Variants in CDC5L observed in about 807,000 individuals in gnomAD.
CDC5L encodes cell division cycle 5 like.
In CDC5L, 18 loss-of-function variants were observed where a neutral mutation model predicts 104.1. The observed-to-expected ratio is 0.17, with a 90% confidence interval of 0.12 to 0.26. The LOEUF is 0.26. Among genes scored for constraint, CDC5L ranks in the 10% least tolerant of loss-of-function variants. The pLI, the probability that CDC5L is intolerant of heterozygous loss-of-function variation, is 1.00. For missense variants in CDC5L, 673 were observed against 956.9 expected, an observed-to-expected ratio of 0.70 and a Z score of 3.91; for synonymous variants, 331 against 322.7, an observed-to-expected ratio of 1.03 and a Z score of -0.28.
chr6:44,425,645 A>G (rs1244117759), intron 11 of CDC5L, among the ~76,000 whole-genome samples: 1 of 152,158 alleles, frequency 6.6e-6, no homozygotes, highest in Non-Finnish European at 1.5e-5. Context: ...GTTCTCAGCT[A>G]CTTTGAGTTA....
chr6:44,426,429 A>C, intron 12 of CDC5L, 53 bp from the exon 13 acceptor site: 2 of 1,054,856 alleles, frequency 1.9e-6, no homozygotes, highest in South Asian at 2.9e-5. Flanking sequence ...AGGTAATAAC[A>C]TTAATATATT....
chr6:44,400,268 T>C (rs1791060686), intron 5 of CDC5L, among the ~76,000 whole-genome samples: 1 of 152,234 alleles, frequency 6.6e-6, no homozygotes, highest in Non-Finnish European at 1.5e-5. Flanking sequence ...CCTGTTTCTT[T>C]GCATGTCTTA....
chr6:44,415,380 T>C lies in CDC5L; in HGVS notation c.1093-4069T>C, dbSNP rs78604910. Reference sequence around the variant, plus strand: ...AAAAGATGTGGGGGAAGTTATATATTTGTTGGAATTGGGTTTAGCTGTAAC... The same window carrying C: ...AAAAGATGTGGGGGAAGTTATATATCTGTTGGAATTGGGTTTAGCTGTAAC... On this transcript the variant is annotated intron_variant, in intron 8 of 15. Transcript: ENST00000371477. 7.4e-3 allele frequency among the ~76,000 whole-genome samples: 1,130 copies of C among 152,278 alleles called. 8 individuals are homozygous for C. Among genetic ancestry groups the C allele is most frequent in the Non-Finnish European group, 0.012 (825 of 68,004 alleles).
Position 44,422,739 on chromosome 6 carries a change from G to A in CDC5L, c.1334G>A (p.Arg445Gln), listed in dbSNP as rs768966403. The A allele has an allele frequency of 1.9e-6, 3 of 1,612,906 alleles. No homozygotes were observed. The highest frequency in any genetic ancestry group is 2.5e-6 in the Non-Finnish European group (3 of 1,179,084). ...TCTACTCCGGGTAGAACTCCTCTTC[G>A]AGACAAGTTAAACATTAATCCCGAG... ...INSTPGRTPL[R>Q]DKLNINPEDG... The change falls in exon 10 of 16, where the codon CGA (arginine) becomes CAA (glutamine). Residue 445 changes from arginine (R) to glutamine (Q), a missense_variant. By Grantham distance (43) the Arg-to-Gln change is conservative (BLOSUM62 1). Around this residue, in one of 4 missense-constraint regions of CDC5L, gnomAD observed 578 missense variants for 737.0 expected, o/e 0.78. Coordinates refer to ENST00000371477, the MANE Select transcript of CDC5L (RefSeq NM_001253.4).
rs952010216 is a variant in CDC5L, at chr6:44,413,074, G to A, written c.1092+4442G>A. On this transcript the variant is annotated intron_variant, in intron 8 of 15. Coordinates refer to ENST00000371477, the MANE Select transcript of CDC5L (RefSeq NM_001253.4). ...TGGGATTACAGGCGTGAGCCACCGC[G>A]CCCGGCCCAATTTTAGAATAATTTC... Among the ~76,000 whole-genome samples the A allele has an allele frequency of 3.5e-4, 53 of 152,084 alleles. 1 individual carries two copies. The highest frequency in any genetic ancestry group is 1.3e-3 in the African/African-American group (53 of 41,410).
chr6:44,444,893 G>C (rs1375151686), intron 14 of CDC5L, among the ~76,000 whole-genome samples: 4 of 152,058 alleles, frequency 2.6e-5, no homozygotes, highest in Non-Finnish European at 4.4e-5. Flanking sequence ...GCTGGGGCAG[G>C]CCAGGGGGAA....
intron 2 of CDC5L, among the ~76,000 whole-genome samples, chr6:44,392,350 C>T (rs1790660939): frequency 6.6e-6 from 1 of 152,130 alleles, no homozygotes; most frequent in Non-Finnish European, 1.5e-5. Context: ...TTTGTATTGT[C>T]TTCCAAATAT....
Position 44,396,337 on chromosome 6 carries a change from G to T in CDC5L, c.440-4G>T. On this transcript the variant is annotated splice_region_variant and splice_polypyrimidine_tract_variant and intron_variant, in intron 4 of 15. Coordinates refer to ENST00000371477, the MANE Select transcript of CDC5L (RefSeq NM_001253.4). ...CTTAGTTTTTCTTCTTTTAATTTTT[G>T]CAGATGAACTTGAGATGCTTTCTGA... The T allele has an allele frequency of 6.3e-7, 1 of 1,594,338 alleles. No homozygotes were observed. The highest frequency in any genetic ancestry group is 8.6e-7 in the Non-Finnish European group (1 of 1,169,348).
intron 14 of CDC5L, 111 bp from the exon 15 acceptor site, chr6:44,445,544 G>C (rs1020533310): frequency 3.0e-5 from 20 of 659,390 alleles, no homozygotes; most frequent in Non-Finnish European, 4.8e-5. Flanking sequence ...AGGAGTTCTA[G>C]TGTATTTTTG....
intron 14 of CDC5L, among the ~76,000 whole-genome samples, chr6:44,440,052 G>C (rs1366102827): frequency 6.6e-6 from 1 of 152,112 alleles, no homozygotes; most frequent in African/African-American, 2.4e-5. Flanking sequence ...GAAATTAACA[G>C]TTTTCATGAA....
chr6:44,434,322 A>C (rs116689162), intron 14 of CDC5L, among the ~76,000 whole-genome samples: 1,790 of 152,286 alleles, frequency 0.012, 18 homozygotes, highest in Middle Eastern at 0.051. Context: ...CCTGGTTAGC[A>C]TGCTTTTCAG....
At chr6:44,437,872 C>G (rs1438616412) in intron 14 of CDC5L, among the ~76,000 whole-genome samples, 3 of 152,238 alleles carry the variant, frequency 2.0e-5, no homozygotes, top group Middle Eastern at 3.4e-3. Flanking sequence ...AAATTCTTTG[C>G]TGTTAAGGTT....
Position 44,429,726 on chromosome 6 carries a change from T to C in CDC5L, c.1907T>C (p.Leu636Ser). ...TATTGTAAACAGGCCCAGGATGTTT[T>C]GGTGCAGGAGATGGAAGTGGTTAAA... Reference protein sequence around the residue: ...KEELKKAQDVLVQEMEVVKQG... With the variant: ...KEELKKAQDVSVQEMEVVKQG... Residue 636 changes from leucine to serine, a missense_variant, in exon 14 of 16, where the codon TTG becomes TCG. Leu to Ser is a moderately radical substitution (Grantham distance 145). Around this residue, in one of 4 missense-constraint regions of CDC5L, gnomAD observed 578 missense variants for 737.0 expected, o/e 0.78. Transcript: ENST00000371477. 6.2e-7 allele frequency: 1 copy of C among 1,613,802 alleles called. No individual in the cohort carries two copies. Among genetic ancestry groups the C allele is most frequent in the Non-Finnish European group, 8.5e-7 (1 of 1,179,734 alleles).
At position 44,408,332 on chromosome 6, in the gene CDC5L, G is replaced by A; in HGVS notation, c.904-112G>A. On this transcript the variant is annotated intron_variant, in intron 7 of 15. Coordinates refer to ENST00000371477, the MANE Select transcript of CDC5L (RefSeq NM_001253.4). ...GCCCAGGTAGGTCCCGAACTCCTGG[G>A]CTCAAACAGTTTGCCCTCCTCGGCC... 5.9e-6 allele frequency: 4 copies of A among 682,552 alleles called. No individual in the cohort carries two copies. In the East Asian group the frequency reaches 1.2e-4, roughly 20 times the overall value. The allele number at this position is 682,552 out of a possible 1,614,324, so 42.3% of individuals were successfully genotyped here.
chr6:44,421,479 A>G (rs1792169137), intron 9 of CDC5L, among the ~76,000 whole-genome samples: 2 of 152,220 alleles, frequency 1.3e-5, no homozygotes, highest in Non-Finnish European at 2.9e-5. Flanking sequence ...TACACATATC[A>G]TGACAGCAGA....
chr6:44,408,366 T>C, intron 7 of CDC5L, 78 bp from the exon 8 acceptor site: 1 of 1,139,296 alleles, frequency 8.8e-7, no homozygotes, highest in East Asian at 2.5e-5. Context: ...CCTCCCAGAG[T>C]GTTGGGATTA....
chr6:44,445,713 T>C lies in CDC5L; in HGVS notation c.2150T>C (p.Met717Thr), dbSNP rs773732850. Residue 717 changes from methionine (M) to threonine (T), a missense_variant, in exon 15 of 16, where the codon ATG becomes ACG. By Grantham distance (81) the Met-to-Thr change is moderately conservative. Around this residue, in one of 4 missense-constraint regions of CDC5L, gnomAD observed 578 missense variants for 737.0 expected, o/e 0.78. Coordinates refer to ENST00000371477, the MANE Select transcript of CDC5L (RefSeq NM_001253.4). ...AGGGCTGCAAAGATGGAAAAGAAGA[T>C]GAAAATTTTGCTTGGGGGTTACCAG... ...AKRAAKMEKK[M>T]KILLGGYQSR... 3.7e-6 allele frequency: 6 copies of C among 1,613,924 alleles called. No homozygotes were observed. The African/African-American group carries it at 5.3e-5, about 14-fold the overall frequency.
chr6:44,428,570 C>A (rs897499855), intron 13 of CDC5L, among the ~76,000 whole-genome samples: 4 of 152,144 alleles, frequency 2.6e-5, no homozygotes, highest in Non-Finnish European at 5.9e-5. Flanking sequence ...AGGTCAGCAT[C>A]ATCATTGCTT....
At chr6:44,406,536 T>G (rs191982987) in intron 7 of CDC5L, 69 bp downstream of exon 7, 2 of 1,370,344 alleles carry the variant, frequency 1.5e-6, no homozygotes, top group East Asian at 2.3e-5. Flanking sequence ...CAGCAAATGT[T>G]TGAAGGCCTG....
Sources: allele counts gnomAD v4.1 joint callset (sites outside exome capture counted in the v4.1 genomes callset), GRCh38; gene constraint gnomAD v4.1.1; regional missense constraint gnomAD v4.1.1; transcripts MANE v1.5; gene names NCBI Gene and HGNC (gene_info 2026-07-23, HGNC 2026-07-21).